ARID4B: variants seen among roughly 807,000 people sequenced by gnomAD.
The protein encoded by ARID4B is AT-rich interactive domain-containing protein 4B.
A neutral mutation model predicts 147.5 loss-of-function variants in ARID4B; 26 were observed. The ratio of observed to expected loss-of-function variants is 0.18; its 90% CI spans 0.13 to 0.24. The LOEUF (loss-of-function observed/expected upper bound fraction) is 0.24, where lower values mean the gene tolerates loss of function less well. Among genes scored for constraint, ARID4B ranks in the 10% least tolerant of loss-of-function variants. ARID4B has a pLI of 1.00. For synonymous variants in ARID4B, 512 were observed against 507.9 expected (o/e 1.01, Z -0.11); for missense variants, 1,179 against 1,511.5 (o/e 0.78, Z 3.65).
At chr1:235,229,017 GA>G (rs1226197220) in intron 11 of ARID4B, 1 of 509,550 alleles carries the variant, frequency 2.0e-6, no homozygotes, top group Non-Finnish European at 3.3e-6. Context: ...AGGTTATTAG[GA>G]AAATCAGGCT....
chr1:235,243,503 G>C (rs1669120411), intron 7 of ARID4B, among the ~76,000 whole-genome samples: 1 of 152,104 alleles, frequency 6.6e-6, no homozygotes, highest in African/African-American at 2.4e-5. Context: ...AATAAAATCT[G>C]ATGATGTCAC....
At position 235,257,724 on chromosome 1, in the gene ARID4B, G is replaced by A. The variant is rs999558702; in HGVS notation, c.118-499C>T. Reference sequence around the variant, plus strand: ...TCAAACTCCCAACCTCAAGTGATCCGCCCGCCTTGACCTACCAGAGTGCTG... The same window carrying A: ...TCAAACTCCCAACCTCAAGTGATCCACCCGCCTTGACCTACCAGAGTGCTG... On this transcript the variant is annotated intron_variant, in intron 3 of 23. Transcript: ENST00000264183. 6.6e-5 allele frequency among the ~76,000 whole-genome samples: 10 copies of A among 152,052 alleles called. No individual in the cohort carries two copies. In the South Asian group the frequency reaches 1.5e-3, roughly 22 times the overall value.
At chr1:235,272,934 A>G (rs1470512671) in intron 2 of ARID4B, among the ~76,000 whole-genome samples, 1 of 152,204 alleles carries the variant, frequency 6.6e-6, no homozygotes, top group Non-Finnish European at 1.5e-5. Context: ...AGCTAAGCTT[A>G]TGAGTACAGG....
Position 235,213,786 on chromosome 1 carries a change from G to A in ARID4B, c.1824C>T (p.Tyr608=). 6.2e-7 allele frequency: 1 copy of A among 1,613,844 alleles called. No homozygotes were observed. The change falls in exon 17 of 24, where the codon TAC becomes TAT. Residue 608 remains tyrosine, a synonymous_variant. Coordinates refer to ENST00000264183, the MANE Select transcript of ARID4B (RefSeq NM_016374.6). The part of the protein sequence containing the change: ...EGGEVLYLVH[Y]CGWNVRYDEW... ...CAAGTTACCTCACATTCCATCCGCA[G>A]TAATGCACCAAGTAAAGGACCTCTC... is the stretch of plus-strand genomic sequence containing the variant.
intron 11 of ARID4B, among the ~76,000 whole-genome samples, chr1:235,227,830 ATTTTTT>A (rs1166758894): frequency 8.0e-6 from 1 of 125,316 alleles, no homozygotes; most frequent in Non-Finnish European, 1.7e-5. Context: ...CTTTTCTGCT[ATTTTTT>A]TTTTTTTTTT....
At chr1:235,308,821 G>A (rs909053159) in intron 2 of ARID4B, among the ~76,000 whole-genome samples, 9 of 152,036 alleles carry the variant, frequency 5.9e-5, no homozygotes, top group Non-Finnish European at 1.3e-4. Flanking sequence ...ATCTCGGCTC[G>A]CTACAACCTC....
At chr1:235,222,655 A>AG (rs1667546941) in intron 13 of ARID4B, among the ~76,000 whole-genome samples, 1 of 151,504 alleles carries the variant, frequency 6.6e-6, no homozygotes, top group Non-Finnish European at 1.5e-5. Flanking sequence ...AACAGTAATC[A>AG]GAAAGCTGAT....
rs996160946 is a variant in ARID4B, at chr1:235,224,832, A to C, written c.898-57T>G. The C allele has an allele frequency of 9.7e-6, 12 of 1,238,238 alleles. No individual in the cohort carries two copies. In the South Asian group the frequency reaches 1.5e-4, roughly 15 times the overall value. The allele number at this position is 1,238,238 out of a possible 1,614,324, so 76.7% of individuals were successfully genotyped here. A position where few individuals can be genotyped will look rare whatever the true frequency, so the allele number is the denominator to read the frequency against. The stretch of plus-strand genomic sequence containing the variant: ...TTCAATTAAGCATTTTAATAAAACA[A>C]GCAGATTTCTTACCAATAGCAAAGA... On this transcript the variant is annotated intron_variant, in intron 11 of 23. Coordinates refer to ENST00000264183, the MANE Select transcript of ARID4B (RefSeq NM_016374.6).
At chr1:235,272,017 T>C (rs1407381347) in intron 2 of ARID4B, among the ~76,000 whole-genome samples, 1 of 151,742 alleles carries the variant, frequency 6.6e-6, no homozygotes, top group African/African-American at 2.4e-5. Context: ...GTGTTTCATA[T>C]CCTCAAGAAT....
At chr1:235,201,868 A>G (rs1665955385) in intron 17 of ARID4B, among the ~76,000 whole-genome samples, 1 of 152,100 alleles carries the variant, frequency 6.6e-6, no homozygotes, top group Admixed American at 6.6e-5. Flanking sequence ...TGGGAAACAG[A>G]GCAAGACTCT....
intron 2 of ARID4B, among the ~76,000 whole-genome samples, chr1:235,321,690 G>A (rs541432278): frequency 3.2e-4 from 49 of 152,122 alleles, no homozygotes; most frequent in Admixed American, 7.9e-4. Context: ...TAGTAGAGAC[G>A]GGGTTTCACT....
At chr1:235,174,956 A>T (rs1012891246) in intron 22 of ARID4B, among the ~76,000 whole-genome samples, 16 of 152,122 alleles carry the variant, frequency 1.1e-4, no homozygotes, top group African/African-American at 3.1e-4. Flanking sequence ...ACACAAAAAA[A>T]TTAGCTGGGT....
intron 10 of ARID4B, among the ~76,000 whole-genome samples, chr1:235,230,620 GA>G (rs1208682031): frequency 1.5e-4 from 12 of 78,194 alleles, no homozygotes; most frequent in Non-Finnish European, 2.7e-4. Flanking sequence ...AAAAAAACCA[GA>G]AAAAAAAAGG....
chr1:235,310,900 G>C (rs1674000233), intron 2 of ARID4B, among the ~76,000 whole-genome samples: 1 of 151,948 alleles, frequency 6.6e-6, no homozygotes, highest in African/African-American at 2.4e-5. Context: ...CAAACTCCTG[G>C]GTTCAAGTAA....
rs1667373979 is a variant in ARID4B at position 235,220,345 on chromosome 1, A to G, written c.1364T>C (p.Ile455Thr). Residue 455 changes from isoleucine (I) to threonine (T), a missense_variant, in exon 15 of 24, where the codon ATT becomes ACT. Physicochemically the swap from Ile to Thr is moderately conservative, Grantham distance 89. Coordinates refer to ENST00000264183, the MANE Select transcript of ARID4B (RefSeq NM_016374.6). ...RNIIPREEKP[I>T]EDEIERKENI... ...TTCTTTTCTTTCAATTTCATCCTCAATAGGCTTTTCTTCTCTTGGTATTAT... is the reference window on the plus strand; with the variant it reads ...TTCTTTTCTTTCAATTTCATCCTCAGTAGGCTTTTCTTCTCTTGGTATTAT... 1.9e-6 allele frequency: 3 copies of G among 1,609,234 alleles called. No homozygotes were observed. The highest frequency in any genetic ancestry group is 2.2e-5 in the South Asian group (2 of 90,186).
At chr1:235,268,370 TACACACAC>T (rs34759406) in intron 2 of ARID4B, among the ~76,000 whole-genome samples, 2 of 150,038 alleles carry the variant, frequency 1.3e-5, no homozygotes. Flanking sequence ...TATATATACA[TACACACAC>T]ACACACACAC....
chr1:235,218,864 A>T (rs1160900766), intron 16 of ARID4B, among the ~76,000 whole-genome samples: 3 of 128,710 alleles, frequency 2.3e-5, no homozygotes, highest in Non-Finnish European at 3.2e-5. Flanking sequence ...ACGCTAAATG[A>T]TTTTTTTTTT....
At chr1:235,325,020 A>G (rs1435948356) in intron 2 of ARID4B, among the ~76,000 whole-genome samples, 1 of 152,242 alleles carries the variant, frequency 6.6e-6, no homozygotes, top group African/African-American at 2.4e-5. Flanking sequence ...TTTTTGCTAA[A>G]GCAAAATACA....
At chr1:235,273,210 T>C (rs1276455714) in intron 2 of ARID4B, among the ~76,000 whole-genome samples, 1 of 152,100 alleles carries the variant, frequency 6.6e-6, no homozygotes, top group Non-Finnish European at 1.5e-5. Context: ...GCTAATTTCA[T>C]GTGTGTGTAT....
Sources: gnomAD v4.1 joint callset for allele counts (sites outside exome capture counted in the v4.1 genomes callset) on GRCh38, gnomAD v4.1.1 for gene constraint, MANE v1.5 for transcripts, NCBI Gene and HGNC (gene_info 2026-07-23, HGNC 2026-07-21) for gene names.